The following C6 variants were observed in gnomAD, a reference collection of about 807,000 sequenced individuals.
C6 encodes complement C6, also known as complement component C6.
A neutral mutation model predicts 112.9 loss-of-function variants in C6; 101 were observed. That is an observed-to-expected ratio of 0.89 (90% CI 0.76 to 1.06). The LOEUF (loss-of-function observed/expected upper bound fraction) is 1.06. Ranked by LOEUF, C6 falls within the 50% of genes least tolerant of loss-of-function variation. The pLI is 0.00. For missense variants in C6, 1,202 were observed against 1,104.6 expected (o/e 1.09, Z -1.25); for synonymous variants, 431 against 384.1 (o/e 1.12, Z -1.43).
chr5:41,232,932 C>T (rs1272844888), intron 1 of C6, among the ~76,000 whole-genome samples: 2 of 151,886 alleles, frequency 1.3e-5, no homozygotes. Flanking sequence ...TCTGTAAACC[C>T]AGTATCTATT....
intron 17 of C6, among the ~76,000 whole-genome samples, chr5:41,145,387 C>T (rs1035716438): frequency 6.6e-6 from 1 of 152,144 alleles, no homozygotes; most frequent in Admixed American, 6.6e-5. Flanking sequence ...TAACAAGGCG[C>T]TCAATTAATT....
chr5:41,260,457 C>CA (rs1554038843), intron 1 of C6, among the ~76,000 whole-genome samples: 3 of 147,450 alleles, frequency 2.0e-5, no homozygotes, highest in South Asian at 2.2e-4. Context: ...AACCCCCCCC[C>CA]AAAACAAACA....
chr5:41,221,437 A>G (rs1453155262), intron 1 of C6, among the ~76,000 whole-genome samples: 1 of 152,180 alleles, frequency 6.6e-6, no homozygotes, highest in Non-Finnish European at 1.5e-5. Flanking sequence ...TTTAGAATTT[A>G]ATTTCTCCTG....
At chr5:41,244,179 C>T (rs1740890321) in intron 1 of C6, among the ~76,000 whole-genome samples, 1 of 152,144 alleles carries the variant, frequency 6.6e-6, no homozygotes, top group Non-Finnish European at 1.5e-5. Flanking sequence ...GCAAAAGCAA[C>T]GTTGTAAATA....
In C6 at chr5:41,149,985, C is replaced by T. The variant is rs770396210; in HGVS notation, c.2331G>A (p.Gln777=). The change falls in exon 16 of 18, where the codon CAG becomes CAA. Residue 777 remains glutamine (Q), a synonymous_variant. Transcript: ENST00000337836. ...AAATGCATTCAGATCCTGATTGTTT[C>T]TGTCCCAGCTGACAATGGCCTTTTA... ...TKLKGHCQLG[Q]KQSGSECICM... is the part of the protein sequence containing the mutation. 1.2e-6 allele frequency: 2 copies of T among 1,613,292 alleles called. No individual in the cohort carries two copies. The highest frequency in any genetic ancestry group is 2.2e-5 in the South Asian group (2 of 91,062).
chr5:41,239,343 C>A (rs926944136), intron 1 of C6, among the ~76,000 whole-genome samples: 2 of 151,902 alleles, frequency 1.3e-5, no homozygotes, highest in African/African-American at 4.8e-5. Context: ...AACTCCTGAC[C>A]TCAAGTGATC....
Position 41,158,691 on chromosome 5 carries a change from CTGGAGGAACTGGCTGAGGA to C in C6, c.1932_1950del (p.Cys644TrpfsTer64). Reference sequence around the variant, plus strand: ...ATGCTGACCCGGATAAATCCATTTTCTGGAGGAACTGGCTGAGGACACCCGGAATCTGCTTCTATCTCAG... The same window carrying C: ...ATGCTGACCCGGATAAATCCATTTTCCACCCGGAATCTGCTTCTATCTCAG... On this transcript the variant is annotated frameshift_variant, in exon 13 of 18. Transcript: ENST00000337836. LOFTEE classifies it high-confidence loss of function. 1 of 1,606,216 alleles carries C rather than the reference CTGGAGGAACTGGCTGAGGA, an allele frequency of 6.2e-7. No homozygotes were observed. The highest frequency in any genetic ancestry group is 8.5e-7 in the Non-Finnish European group (1 of 1,172,936).
intron 1 of C6, among the ~76,000 whole-genome samples, chr5:41,243,757 A>G (rs1388957621): frequency 6.6e-6 from 1 of 152,198 alleles, no homozygotes; most frequent in Non-Finnish European, 1.5e-5. Flanking sequence ...GGAAACTCTT[A>G]GCATATGTAA....
Position 41,247,535 on chromosome 5 carries a change from G to T in C6, c.-21+13659C>A, listed in dbSNP as rs1741095092. Reference sequence around the variant, plus strand: ...GATCAAGGCCATCCTGGCTGACATGGTGAAACCCCATCTCTAATAAAAATA... The same window carrying T: ...GATCAAGGCCATCCTGGCTGACATGTTGAAACCCCATCTCTAATAAAAATA... On this transcript the variant is annotated intron_variant, in intron 1 of 17. Transcript: ENST00000263413. Among the ~76,000 whole-genome samples the T allele has an allele frequency of 2.0e-5, 3 of 151,998 alleles. No individual in the cohort carries two copies. The South Asian group carries it at 6.2e-4, about 32-fold the overall frequency.
intron 8 of C6, 153 bp from the exon 9 acceptor site, chr5:41,172,500 G>A: frequency 2.6e-6 from 2 of 756,658 alleles, no homozygotes; most frequent in Non-Finnish European, 4.5e-6. Context: ...GCTCAAGTTA[G>A]TTTTACCTAT....
intron 9 of C6, 83 bp from the exon 10 acceptor site, chr5:41,161,942 A>C (rs1349996390): frequency 8.0e-6 from 11 of 1,375,490 alleles, no homozygotes; most frequent in Non-Finnish European, 1.1e-5. Flanking sequence ...ACCTATTTGT[A>C]CAGAAGGGAG....
chr5:41,154,818 G>T (rs1236547164), intron 14 of C6, among the ~76,000 whole-genome samples, 154 bp downstream of exon 14: 2 of 152,156 alleles, frequency 1.3e-5, no homozygotes, highest in Non-Finnish European at 2.9e-5. Context: ...TAGCAAATGA[G>T]CCCTTCTATT....
intron 8 of C6, among the ~76,000 whole-genome samples, chr5:41,175,194 C>A (rs924221011): frequency 4.6e-5 from 7 of 152,128 alleles, no homozygotes; most frequent in Admixed American, 6.6e-5. Context: ...AGGGGACACC[C>A]ATCCAGCCAG....
chr5:41,230,329 A>T (rs1739814613), intron 1 of C6, among the ~76,000 whole-genome samples: 1 of 152,124 alleles, frequency 6.6e-6, no homozygotes, highest in Non-Finnish European at 1.5e-5. Context: ...TAGGAGAGAT[A>T]TCAGTGAATT....
chr5:41,257,782 C>A (rs1580265789), intron 1 of C6, among the ~76,000 whole-genome samples: 1 of 152,170 alleles, frequency 6.6e-6, no homozygotes. Flanking sequence ...ACCTCCCAGC[C>A]CCCTCATGCT....
At chr5:41,185,007 C>T (rs1369516331) in intron 6 of C6, among the ~76,000 whole-genome samples, 1 of 152,124 alleles carries the variant, frequency 6.6e-6, no homozygotes, top group African/African-American at 2.4e-5. Flanking sequence ...AGGCAATATC[C>T]TTTTGTGAAA....
intron 1 of C6, among the ~76,000 whole-genome samples, chr5:41,208,606 A>C (rs1161912616): frequency 6.6e-6 from 1 of 152,230 alleles, no homozygotes; most frequent in Non-Finnish European, 1.5e-5. Flanking sequence ...TACACAAATA[A>C]ACTAGAAAAT....
Position 41,153,801 on chromosome 5 carries a change from G to A in C6, c.2290+9C>T, listed in dbSNP as rs745872469. The stretch of plus-strand genomic sequence containing the variant: ...TTATCAGACCCCAGAACACTGAGCT[G>A]CTACTCACCTTTTTCACAGGTGAGA... On this transcript the variant is annotated intron_variant, in intron 15 of 17. Transcript: ENST00000337836. 2 of 1,605,412 alleles carry A rather than the reference G, an allele frequency of 1.2e-6. No homozygotes were observed. The highest frequency in any genetic ancestry group is 1.7e-6 in the Non-Finnish European group (2 of 1,173,404).
At chr5:41,194,462 G>C (rs988675368) in intron 5 of C6, among the ~76,000 whole-genome samples, 15 of 152,070 alleles carry the variant, frequency 9.9e-5, no homozygotes, top group African/African-American at 3.1e-4. Flanking sequence ...CATTTTACTG[G>C]TGTCCTCGGG....
Sources: allele counts gnomAD v4.1 joint callset (sites outside exome capture counted in the v4.1 genomes callset), GRCh38; gene constraint gnomAD v4.1.1; transcripts MANE v1.5; gene names NCBI Gene and HGNC (gene_info 2026-07-23, HGNC 2026-07-21).